The following TNKS variants were observed in gnomAD, a reference collection of about 807,000 sequenced individuals.
The protein encoded by TNKS is tankyrase, also known as poly [ADP-ribose] polymerase tankyrase-1.
In TNKS, 72 loss-of-function variants were observed where a neutral mutation model predicts 135.8. The ratio of observed to expected loss-of-function variants is 0.53; its 90% CI spans 0.44 to 0.64. The LOEUF is 0.64. Ranked by LOEUF, TNKS falls within the 30% of genes least tolerant of loss-of-function variation. The pLI is 0.00. For missense variants in TNKS, 1,769 were observed against 1,674.0 expected, an observed-to-expected ratio of 1.06 and a Z score of -0.99; for synonymous variants, 849 against 649.3, an observed-to-expected ratio of 1.31 and a Z score of -4.68.
In TNKS at chr8:9,778,615, A is replaced by G. The variant is rs142177304; in HGVS notation, c.*1879A>G. Reference sequence around the variant, plus strand: ...CAAGCTGGGTGTTTGTGTCTTGGCTACTTGTTTAATAGCACTAGAATTCCA... The same window carrying G: ...CAAGCTGGGTGTTTGTGTCTTGGCTGCTTGTTTAATAGCACTAGAATTCCA... On this transcript the variant is annotated 3_prime_UTR_variant, in exon 27 of 27. Transcript: ENST00000310430. The G allele has an allele frequency of 1.3e-5, 2 of 152,582 alleles. No individual in the cohort carries two copies. The highest frequency in any genetic ancestry group is 2.9e-5 in the Non-Finnish European group (2 of 68,026). 9.5% of individuals were successfully genotyped at this position (152,582 alleles called of 1,614,324 possible).
intron 3 of TNKS, among the ~76,000 whole-genome samples, chr8:9,668,856 A>T (rs1484568362): frequency 1.3e-5 from 2 of 152,138 alleles, no homozygotes; most frequent in Non-Finnish European, 2.9e-5. Flanking sequence ...AAATTGAATA[A>T]ATTTAGTCTA....
chr8:9,629,179 C>A (rs1325742750), intron 3 of TNKS, among the ~76,000 whole-genome samples: 1 of 152,210 alleles, frequency 6.6e-6, no homozygotes, highest in Non-Finnish European at 1.5e-5. Context: ...GAATATAAAT[C>A]AATGGTATCA....
chr8:9,622,838 C>T (rs112439131), intron 3 of TNKS, among the ~76,000 whole-genome samples: 2,225 of 152,188 alleles, frequency 0.015, 51 homozygotes, highest in African/African-American at 0.05. Context: ...GCATAGTAAC[C>T]TTCCCTTATC....
intron 5 of TNKS, among the ~76,000 whole-genome samples, chr8:9,692,165 T>C: frequency 6.6e-6 from 1 of 152,210 alleles, no homozygotes; most frequent in Non-Finnish European, 1.5e-5. Context: ...ACCAAGGTAG[T>C]GAGCATAATA....
intron 13 of TNKS, among the ~76,000 whole-genome samples, chr8:9,727,045 T>C (rs554189262): frequency 7.2e-5 from 11 of 152,316 alleles, no homozygotes; most frequent in African/African-American, 2.2e-4. Context: ...TTAATTACAG[T>C]GTTACTATTT....
intron 5 of TNKS, among the ~76,000 whole-genome samples, chr8:9,698,533 A>G (rs1401121378): frequency 2.1e-4 from 32 of 152,150 alleles, no homozygotes; most frequent in Admixed American, 2.1e-3. Context: ...GATAGGGATT[A>G]CACTTCCCAC....
chr8:9,705,741 C>CA (rs542199535), intron 6 of TNKS, among the ~76,000 whole-genome samples: 13 of 151,624 alleles, frequency 8.6e-5, no homozygotes, highest in Admixed American at 2.6e-4. Flanking sequence ...ATGTACACCA[C>CA]AAAAAAAGGG....
intron 17 of TNKS, among the ~76,000 whole-genome samples, chr8:9,745,769 A>T (rs562874358): frequency 6.6e-6 from 1 of 152,248 alleles, no homozygotes; most frequent in African/African-American, 2.4e-5. Flanking sequence ...AGCTTTCCTT[A>T]GTAGTTGGCT....
chr8:9,643,938 C>G (rs1800816222), intron 3 of TNKS, among the ~76,000 whole-genome samples: 1 of 152,118 alleles, frequency 6.6e-6, no homozygotes, highest in Non-Finnish European at 1.5e-5. Flanking sequence ...ATTAATCAGC[C>G]TTAAACAGAG....
rs772623999 is a variant in TNKS at position 9,735,528 on chromosome 8, C to T, written c.2643+42C>T. On this transcript the variant is annotated intron_variant, in intron 17 of 26. Transcript: ENST00000310430. Reference sequence around the variant, plus strand: ...TAAAATCTAGAAAACTGACCGCACGCGGTGGCTCACGCCTGTAATCCCAGC... The same window carrying T: ...TAAAATCTAGAAAACTGACCGCACGTGGTGGCTCACGCCTGTAATCCCAGC... 5.3e-5 allele frequency: 79 copies of T among 1,501,360 alleles called. No homozygotes were observed. The Admixed American group carries it at 9.9e-4, about 19-fold the overall frequency. The allele number at this position is 1,501,360 out of a possible 1,614,324, so 93.0% of individuals were successfully genotyped here.
chr8:9,565,989 T>C (rs778806635), intron 1 of TNKS, among the ~76,000 whole-genome samples: 29 of 152,292 alleles, frequency 1.9e-4, no homozygotes, highest in Non-Finnish European at 4.1e-4. Context: ...TGTTGACATA[T>C]ATATTATATA....
rs565577054 is a variant in TNKS, at chr8:9,659,442, T to C, written c.995-20509T>C. Reference sequence around the variant, plus strand: ...CAGGATTAAGAAAGTCACTCAAAACTACTCAACTACATGGAAACTGAACAA... The same window carrying C: ...CAGGATTAAGAAAGTCACTCAAAACCACTCAACTACATGGAAACTGAACAA... On this transcript the variant is annotated intron_variant, in intron 3 of 26. Transcript: ENST00000310430. 5.2e-4 allele frequency among the ~76,000 whole-genome samples: 79 copies of C among 151,738 alleles called. 1 individual carries two copies. The highest frequency in any genetic ancestry group is 1.8e-3 in the African/African-American group (73 of 41,362).
chr8:9,655,202 C>G (rs1177590955), intron 3 of TNKS, among the ~76,000 whole-genome samples: 1 of 152,132 alleles, frequency 6.6e-6, no homozygotes, highest in Non-Finnish European at 1.5e-5. Flanking sequence ...GGGAGGGGCG[C>G]CCACCATTGC....
At chr8:9,740,999 G>C (rs1193844565) in intron 17 of TNKS, 1 of 151,866 alleles carries the variant, frequency 6.6e-6, no homozygotes, top group Non-Finnish European at 1.5e-5. Context: ...TTTTAGTAGA[G>C]ACGGGGTTTC....
At chr8:9,611,070 T>C (rs1012987976) in intron 2 of TNKS, among the ~76,000 whole-genome samples, 1 of 152,232 alleles carries the variant, frequency 6.6e-6, no homozygotes, top group African/African-American at 2.4e-5. Flanking sequence ...CTTCTTGACA[T>C]AGCTCATTTG....
intron 20 of TNKS, among the ~76,000 whole-genome samples, chr8:9,758,194 T>TG (rs1806943485): frequency 3.3e-5 from 5 of 152,210 alleles, no homozygotes; most frequent in Admixed American, 3.3e-4. Flanking sequence ...GAACTGTGCT[T>TG]GTTATGTAGC....
At chr8:9,628,881 C>T (rs1342155729) in intron 3 of TNKS, among the ~76,000 whole-genome samples, 1 of 152,180 alleles carries the variant, frequency 6.6e-6, no homozygotes, top group Admixed American at 6.5e-5. Context: ...CAAACTTGAA[C>T]CCCATTCTTT....
rs564493115 is a variant in TNKS at position 9,700,485 on chromosome 8, T to C, written c.1108-4178T>C. On this transcript the variant is annotated intron_variant, in intron 5 of 26. Coordinates refer to ENST00000310430, the MANE Select transcript of TNKS (RefSeq NM_003747.3). ...TTTAGCCTTAACCTCTTCTGAATTC[T>C]AGTGCCATACGTGTAAGTCTCTCTC... Among the ~76,000 whole-genome samples the C allele has an allele frequency of 3.5e-4, 53 of 152,340 alleles. 2 individuals carry two copies. In the South Asian group the frequency reaches 0.011, roughly 32 times the overall value.
rs1234744133 is a variant in TNKS, at chr8:9,722,067, AAAG to A, written c.1921+1525_1921+1527del. Among the ~76,000 whole-genome samples, 111 of 73,582 alleles carry A rather than the reference AAAG, an allele frequency of 1.5e-3. 2 individuals carry two copies. Among genetic ancestry groups the A allele is most frequent in the Admixed American group, 3.1e-3 (16 of 5,186 alleles). 48.3% of individuals were successfully genotyped at this position (73,582 alleles called of 152,430 possible). ...GCGAGACTCCATCTCAACAAAAAAA[AAAG>A]AAAAGAAAAGAAAAAAATGCCCTAA... On this transcript the variant is annotated intron_variant, in intron 12 of 26. Coordinates refer to ENST00000310430, the MANE Select transcript of TNKS (RefSeq NM_003747.3).
Sources: allele counts gnomAD v4.1 joint callset (sites outside exome capture counted in the v4.1 genomes callset), GRCh38; gene constraint gnomAD v4.1.1; transcripts MANE v1.5; gene names NCBI Gene and HGNC (gene_info 2026-07-23, HGNC 2026-07-21).